The following SLC25A42 variants were observed in gnomAD, a reference collection of about 807,000 sequenced individuals.
The protein encoded by SLC25A42 is solute carrier family 25 member 42.
In SLC25A42, 19 loss-of-function variants were observed where a neutral mutation model predicts 34.7. That is an observed-to-expected ratio of 0.55 (90% CI 0.38 to 0.80). The LOEUF is 0.80. SLC25A42 is among the 30% of genes least tolerant of loss of function. The pLI, the probability that SLC25A42 is intolerant of heterozygous loss-of-function variation, is 0.00. For synonymous variants in SLC25A42, 205 were observed against 191.2 expected, an observed-to-expected ratio of 1.07 and a Z score of -0.59; for missense variants, 364 against 441.3, an observed-to-expected ratio of 0.82 and a Z score of 1.57.
Position 19,112,606 on chromosome 19 carries a change from G to A in SLC25A42, c.*1730G>A, listed in dbSNP as rs2059871914. On this transcript the variant is annotated 3_prime_UTR_variant, in exon 8 of 8. Transcript: ENST00000318596. The surrounding 1 kb of genome is among the most constrained non-coding windows in gnomAD (Gnocchi z 4.3). ...GCCACAGGCTAGGCAGGAGAGACAA[G>A]GGGTAGGTGGGAGGGTCCCCCAGTC... 6.6e-6 allele frequency: 1 copy of A among 152,490 alleles called. No homozygotes were observed. Among genetic ancestry groups the A allele is most frequent in the African/African-American group, 2.4e-5 (1 of 41,434 alleles). 9.4% of individuals were successfully genotyped at this position (152,490 alleles called of 1,614,324 possible).
chr19:19,068,029 AT>A (rs557296678), intron 1 of SLC25A42, among the ~76,000 whole-genome samples: 1 of 152,110 alleles, frequency 6.6e-6, no homozygotes, highest in African/African-American at 2.4e-5. Context: ...GTGCATTTGC[AT>A]TTTTTATTTT....
intron 2 of SLC25A42, 49 bp downstream of exon 2, chr19:19,096,254 T>TGGGGCCCCCCCCCCCC: frequency 2.1e-6 from 3 of 1,456,604 alleles, no homozygotes; most frequent in Admixed American, 1.8e-5. Flanking sequence ...GGCCCCAGCC[T>TGGGGCCCCCCCCCCCC]CCCCACCCCC....
chr19:19,094,181 G>A (rs964078719), intron 1 of SLC25A42, among the ~76,000 whole-genome samples: 1 of 152,212 alleles, frequency 6.6e-6, no homozygotes, highest in Non-Finnish European at 1.5e-5. Context: ...GAAAGAAGCC[G>A]CTAAGCGCAG....
At chr19:19,094,461 C>T (rs1263758745) in intron 1 of SLC25A42, among the ~76,000 whole-genome samples, 1 of 152,174 alleles carries the variant, frequency 6.6e-6, no homozygotes. Flanking sequence ...CCACACCCAT[C>T]TGCTTTGGTT....
At chr19:19,101,366 T>C (rs1420845552) in intron 2 of SLC25A42, among the ~76,000 whole-genome samples, 2 of 152,146 alleles carry the variant, frequency 1.3e-5, no homozygotes, top group Non-Finnish European at 2.9e-5. Context: ...TCTGCTTGCC[T>C]GATACCCACT....
At chr19:19,099,204 G>A (rs530323601) in intron 2 of SLC25A42, among the ~76,000 whole-genome samples, 2 of 152,284 alleles carry the variant, frequency 1.3e-5, no homozygotes, top group African/African-American at 4.8e-5. Flanking sequence ...TCCCAGAAAA[G>A]GCAGAGGTCC....
chr19:19,107,192 C>G (rs1252144303), intron 6 of SLC25A42, among the ~76,000 whole-genome samples: 6 of 151,708 alleles, frequency 4.0e-5, no homozygotes, highest in Admixed American at 2.0e-4. Context: ...TGGCATACGC[C>G]TGTGATCCCA....
chr19:19,097,439 C>T (rs549449845), intron 2 of SLC25A42, among the ~76,000 whole-genome samples: 7 of 152,288 alleles, frequency 4.6e-5, no homozygotes, highest in African/African-American at 9.6e-5. Context: ...CTCTGCATGC[C>T]GGAGAGGAGG....
At chr19:19,100,709 G>A (rs1191044934) in intron 2 of SLC25A42, among the ~76,000 whole-genome samples, 1 of 152,124 alleles carries the variant, frequency 6.6e-6, no homozygotes, top group African/African-American at 2.4e-5. Context: ...TGCTTCTGTT[G>A]GCATCTGGCT....
At position 19,101,764 on chromosome 19, in the gene SLC25A42, C is replaced by T. The variant is rs533204743; in HGVS notation, c.82-17C>T. On this transcript the variant is annotated splice_polypyrimidine_tract_variant and intron_variant, in intron 2 of 7. Transcript: ENST00000318596. ...GCCCCCCTGCCCTCTGACCTCTGAT[C>T]ACATGTTCTGTTGCAGCGTGACCAC... The T allele has an allele frequency of 6.2e-7, 1 of 1,606,366 alleles. No homozygotes were observed. Among genetic ancestry groups the T allele is most frequent in the East Asian group, 2.2e-5 (1 of 44,568 alleles).
intron 1 of SLC25A42, among the ~76,000 whole-genome samples, chr19:19,074,874 G>A (rs778519505): frequency 2.7e-4 from 41 of 152,108 alleles, no homozygotes; most frequent in Non-Finnish European, 4.6e-4. Flanking sequence ...CTTGTGGCTG[G>A]GCGCAGTGGT....
At chr19:19,075,583 C>T (rs1417240919) in intron 1 of SLC25A42, among the ~76,000 whole-genome samples, 1 of 152,194 alleles carries the variant, frequency 6.6e-6, no homozygotes, top group Non-Finnish European at 1.5e-5. Flanking sequence ...ACACTGTCAT[C>T]TGTGGTTGTA....
intron 1 of SLC25A42, among the ~76,000 whole-genome samples, chr19:19,072,904 T>C (rs1188774694): frequency 6.6e-6 from 1 of 151,532 alleles, no homozygotes; most frequent in African/African-American, 2.4e-5. Flanking sequence ...AGTGGTGGGA[T>C]CATAGCTCAC....
At chr19:19,083,162 AG>A (rs1252706388) in intron 1 of SLC25A42, among the ~76,000 whole-genome samples, 1 of 152,118 alleles carries the variant, frequency 6.6e-6, no homozygotes, top group Non-Finnish European at 1.5e-5. Flanking sequence ...TATGTTACCC[AG>A]GCTGCTCTCA....
chr19:19,066,844 C>T (rs2059605193), intron 1 of SLC25A42, among the ~76,000 whole-genome samples: 2 of 152,182 alleles, frequency 1.3e-5, no homozygotes, highest in East Asian at 1.9e-4. Context: ...TATTTGGGCT[C>T]CAGCCGTGCT....
intron 1 of SLC25A42, among the ~76,000 whole-genome samples, chr19:19,071,350 G>T (rs2059629166): frequency 6.6e-6 from 1 of 152,080 alleles, no homozygotes; most frequent in Non-Finnish European, 1.5e-5. Context: ...CTGTGAGCTT[G>T]GTCCTGTGAT....
At position 19,108,057 on chromosome 19, in the gene SLC25A42, T is replaced by C; in HGVS notation, c.649+12T>C. The stretch of plus-strand genomic sequence containing the variant: ...GAGCTTGCACAGAGGTAAGGAGAGC[T>C]GGGAGCATGAGGAGGGGACGTTCAG... On this transcript the variant is annotated intron_variant, in intron 7 of 7. Coordinates refer to ENST00000318596, the MANE Select transcript of SLC25A42 (RefSeq NM_178526.5). 1.9e-6 allele frequency: 3 copies of C among 1,546,954 alleles called. No homozygotes were observed. The highest frequency in any genetic ancestry group is 2.6e-6 in the Non-Finnish European group (3 of 1,143,720).
intron 1 of SLC25A42, among the ~76,000 whole-genome samples, chr19:19,076,601 C>T (rs547132981): frequency 3.8e-4 from 58 of 152,360 alleles, no homozygotes; most frequent in African/African-American, 1.4e-3. Flanking sequence ...CTGCCCCACT[C>T]CCAGGTTTGG....
intron 1 of SLC25A42, among the ~76,000 whole-genome samples, chr19:19,082,278 T>C (rs2059685249): frequency 6.6e-6 from 1 of 152,230 alleles, no homozygotes; most frequent in Non-Finnish European, 1.5e-5. Flanking sequence ...CTTTCCCAGC[T>C]TCTATCCCCC....
Sources: allele counts gnomAD v4.1 joint callset (sites outside exome capture counted in the v4.1 genomes callset), GRCh38; gene constraint gnomAD v4.1.1; non-coding constraint Gnocchi (gnomAD v3.1); transcripts MANE v1.5; gene names NCBI Gene and HGNC (gene_info 2026-07-23, HGNC 2026-07-21).